The following PRKCH variants were observed in gnomAD, a reference collection of about 807,000 sequenced individuals.
PRKCH encodes the protein protein kinase C eta, also known as protein kinase C eta type.
In PRKCH, 28 loss-of-function variants were observed where a neutral mutation model predicts 82.5. The observed-to-expected ratio is 0.34, with a 90% confidence interval of 0.25 to 0.47. PRKCH has a LOEUF of 0.47. Ranked by LOEUF, PRKCH falls within the 20% of genes least tolerant of loss-of-function variation. The pLI, the probability that PRKCH is intolerant of heterozygous loss-of-function variation, is 1.00. For missense variants in PRKCH, 705 were observed against 881.8 expected (o/e 0.80, Z 2.54); for synonymous variants, 322 against 327.4 (o/e 0.98, Z 0.18).
At chr14:61,485,238 C>T (rs529272837) in intron 9 of PRKCH, among the ~76,000 whole-genome samples, 1 of 152,278 alleles carries the variant, frequency 6.6e-6, no homozygotes, top group Admixed American at 6.5e-5. Context: ...TCAAAGGTTT[C>T]TGATGCCTTC....
intron 1 of PRKCH, among the ~76,000 whole-genome samples, chr14:61,261,040 C>T (rs1366194738): frequency 1.3e-5 from 2 of 152,130 alleles, no homozygotes. Flanking sequence ...CTCCTGTCAG[C>T]TCCACCACTG....
intron 10 of PRKCH, among the ~76,000 whole-genome samples, chr14:61,487,211 G>C (rs571313684): frequency 1.6e-4 from 24 of 152,248 alleles, no homozygotes; most frequent in African/African-American, 5.3e-4. Flanking sequence ...ACTCCATACA[G>C]TGCATTTATC....
At chr14:61,328,289 T>G (rs990431296) in intron 1 of PRKCH, among the ~76,000 whole-genome samples, 1 of 144,612 alleles carries the variant, frequency 6.9e-6, no homozygotes, top group Non-Finnish European at 1.5e-5. Flanking sequence ...AAAGAAAGAC[T>G]GGGCCTGACT....
chr14:61,417,914 T>C (rs2209387), intron 2 of PRKCH, among the ~76,000 whole-genome samples: 31,500 of 152,132 alleles, frequency 0.21, 3,658 homozygotes, highest in Admixed American at 0.35. Flanking sequence ...AAGCCACACA[T>C]GGGTTATTTC....
At chr14:61,457,376 T>G (rs901676200) in intron 8 of PRKCH, 57 bp downstream of exon 8, 245 of 1,423,274 alleles carry the variant, frequency 1.7e-4, no homozygotes, top group South Asian at 3.1e-4. Flanking sequence ...GTATGGGGGG[T>G]GTGTGTGTGT....
chr14:61,290,148 C>T (rs1263785016), intron 1 of PRKCH, among the ~76,000 whole-genome samples: 2 of 151,888 alleles, frequency 1.3e-5, no homozygotes, highest in Non-Finnish European at 2.9e-5. Flanking sequence ...AAAAATTAGT[C>T]GGGCGTGGTT....
intron 2 of PRKCH, among the ~76,000 whole-genome samples, chr14:61,400,789 A>G (rs1216564770): frequency 6.6e-6 from 1 of 152,090 alleles, no homozygotes; most frequent in Non-Finnish European, 1.5e-5. Context: ...TTCTCTCTAT[A>G]ACAAATTTCT....
At chr14:61,286,035 T>A (rs560084180) in intron 1 of PRKCH, among the ~76,000 whole-genome samples, 1 of 152,392 alleles carries the variant, frequency 6.6e-6, no homozygotes, top group South Asian at 2.1e-4. Context: ...TCATTTCTCT[T>A]GCTAGAATAA....
At chr14:61,397,780 T>C (rs1389376351) in intron 2 of PRKCH, among the ~76,000 whole-genome samples, 1 of 152,208 alleles carries the variant, frequency 6.6e-6, no homozygotes, top group Non-Finnish European at 1.5e-5. Flanking sequence ...ATGTTTGCAT[T>C]GGTGGTAACA....
At chr14:61,268,951 A>G (rs558074252) in intron 1 of PRKCH, among the ~76,000 whole-genome samples, 13 of 152,350 alleles carry the variant, frequency 8.5e-5, no homozygotes, top group African/African-American at 3.1e-4. Flanking sequence ...GCATCTGCCA[A>G]TATTTATTGG....
At chr14:61,473,853 C>T (rs1377104498) in intron 9 of PRKCH, among the ~76,000 whole-genome samples, 2 of 152,024 alleles carry the variant, frequency 1.3e-5, no homozygotes, top group African/African-American at 4.8e-5. Context: ...ATTAGCCGGG[C>T]ATGGTGGCAC....
intron 1 of PRKCH, among the ~76,000 whole-genome samples, chr14:61,213,039 G>A (rs1335410133): frequency 6.6e-6 from 1 of 152,178 alleles, no homozygotes; most frequent in Non-Finnish European, 1.5e-5. Context: ...CTTATGTCAG[G>A]GAGAGAGGGG....
At chr14:61,412,564 G>T (rs1205516141) in intron 2 of PRKCH, among the ~76,000 whole-genome samples, 1 of 152,140 alleles carries the variant, frequency 6.6e-6, no homozygotes, top group African/African-American at 2.4e-5. Flanking sequence ...GGGGTCACTT[G>T]ACCCTTTAAT....
chr14:61,293,065 G>A (rs1345962653), intron 1 of PRKCH, among the ~76,000 whole-genome samples: 1 of 152,172 alleles, frequency 6.6e-6, no homozygotes, highest in Admixed American at 6.5e-5. Flanking sequence ...CATGACTAAA[G>A]AGTGAAAGTG....
intron 9 of PRKCH, among the ~76,000 whole-genome samples, chr14:61,472,253 T>C (rs1594743499): frequency 6.6e-6 from 1 of 152,344 alleles, no homozygotes; most frequent in East Asian, 1.9e-4. Flanking sequence ...TAAAATGGGT[T>C]ATTTTTAAAA....
At chr14:61,262,809 C>T (rs1039965719) in intron 1 of PRKCH, among the ~76,000 whole-genome samples, 7 of 151,706 alleles carry the variant, frequency 4.6e-5, no homozygotes, top group South Asian at 2.1e-4. Context: ...TGGATGATGC[C>T]GGGGAAAGCC....
Position 61,195,744 on chromosome 14 carries a change from G to A in PRKCH, c.-19+8076G>A, listed in dbSNP as rs147797403. Among the ~76,000 whole-genome samples, 9 of 152,242 alleles carry A rather than the reference G, an allele frequency of 5.9e-5. No individual in the cohort carries two copies. The East Asian group carries it at 1.7e-3, about 29-fold the overall frequency. On this transcript the variant is annotated intron_variant, in intron 1 of 3. Coordinates refer to the PRKCH transcript ENST00000555185. ...AGGGGTTGCTTCCTGGCTTGTAGAT[G>A]GCCACCTTCTTACTATGTTGTCACA...
intron 1 of PRKCH, among the ~76,000 whole-genome samples, chr14:61,223,432 C>G (rs776367657): frequency 6.6e-5 from 10 of 152,102 alleles, no homozygotes; most frequent in Non-Finnish European, 1.5e-4. Context: ...AGTGTCTTTC[C>G]TTTGAGACCA....
At chr14:61,428,112 C>CACATATATATATATATATATATATAT in intron 2 of PRKCH, among the ~76,000 whole-genome samples, 1 of 145,598 alleles carries the variant, frequency 6.9e-6, no homozygotes, top group East Asian at 2.0e-4. Context: ...TATATACACA[C>CACATATATATATATATATATATATAT]ATATATATAT....
Sources: gnomAD v4.1 joint callset for allele counts (sites outside exome capture counted in the v4.1 genomes callset) on GRCh38, gnomAD v4.1.1 for gene constraint, MANE v1.5 for transcripts, NCBI Gene and HGNC (gene_info 2026-07-23, HGNC 2026-07-21) for gene names.